GSG1L: variants seen among roughly 807,000 people sequenced by gnomAD.
GSG1L encodes the protein GSG1 like, also known as germ cell-specific gene 1-like protein.
Under a neutral mutation model 42.1 loss-of-function variants are expected in GSG1L, and 24 were observed. That is an observed-to-expected ratio of 0.57 (90% CI 0.41 to 0.80). The LOEUF is 0.80. Ranked by LOEUF, GSG1L falls within the 30% of genes least tolerant of loss-of-function variation. GSG1L has a pLI of 0.00. For synonymous variants in GSG1L, 215 were observed against 203.5 expected (o/e 1.06, Z -0.48); for missense variants, 445 against 472.2 (o/e 0.94, Z 0.53).
chr16:27,847,743 A>G (rs1419023047), intron 3 of GSG1L, among the ~76,000 whole-genome samples: 1 of 152,088 alleles, frequency 6.6e-6, no homozygotes, highest in Non-Finnish European at 1.5e-5. Flanking sequence ...CTCACGAGAG[A>G]GCTGGTTGTT....
intron 2 of GSG1L, among the ~76,000 whole-genome samples, chr16:27,899,926 G>A (rs2084237258): frequency 1.3e-5 from 2 of 152,202 alleles, no homozygotes; most frequent in South Asian, 2.1e-4. Flanking sequence ...ACTGGGTGAT[G>A]TGGATTCCAC....
rs768689001 is a variant in GSG1L, at chr16:27,888,401, C to CTTCTTTCTTTCT, written c.398-3775_398-3764dup. Among the ~76,000 whole-genome samples, 107 of 122,568 alleles carry CTTCTTTCTTTCT rather than the reference C, an allele frequency of 8.7e-4. 15 individuals are homozygous for CTTCTTTCTTTCT. Among genetic ancestry groups the CTTCTTTCTTTCT allele is most frequent in the African/African-American group, 2.4e-3 (66 of 27,450 alleles). 80.4% of individuals were successfully genotyped at this position (122,568 alleles called of 152,430 possible). A position where few individuals can be genotyped will look rare whatever the true frequency, so the allele number is the denominator to read the frequency against. Reference sequence around the variant, plus strand: ...GGTTCTTTCTTTCTTTTCTTTTCTCCTTCTTTCTTTCTTTCTTTCTTTCTT... The same window carrying CTTCTTTCTTTCT: ...GGTTCTTTCTTTCTTTTCTTTTCTCCTTCTTTCTTTCTTTCTTTCTTTCTTTCTTTCTTTCTT... On this transcript the variant is annotated intron_variant, in intron 2 of 6. Coordinates refer to ENST00000447459, the MANE Select transcript of GSG1L (RefSeq NM_001109763.2).
intron 1 of GSG1L, among the ~76,000 whole-genome samples, chr16:28,055,136 G>A (rs2086265485): frequency 6.6e-6 from 1 of 152,028 alleles, no homozygotes; most frequent in African/African-American, 2.4e-5. Flanking sequence ...TTTCACCTTT[G>A]CTGCAGCATT....
intron 1 of GSG1L, among the ~76,000 whole-genome samples, chr16:28,007,951 C>G (rs1310295988): frequency 6.6e-6 from 1 of 152,176 alleles, no homozygotes; most frequent in East Asian, 1.9e-4. Context: ...ATGAGGATTG[C>G]CAGACCAAGG....
At chr16:27,958,889 G>A (rs1369617546) in intron 2 of GSG1L, among the ~76,000 whole-genome samples, 1 of 152,066 alleles carries the variant, frequency 6.6e-6, no homozygotes, top group Non-Finnish European at 1.5e-5. Flanking sequence ...TGGCCAGGCT[G>A]GTCTCAAATT....
intron 1 of GSG1L, among the ~76,000 whole-genome samples, chr16:28,039,480 G>C (rs1935043553): frequency 6.6e-6 from 1 of 152,088 alleles, no homozygotes; most frequent in African/African-American, 2.4e-5. Context: ...GGTACCAAAT[G>C]TTAACAGGGC....
At chr16:27,989,033 A>G (rs1479199868) in intron 1 of GSG1L, among the ~76,000 whole-genome samples, 1 of 148,962 alleles carries the variant, frequency 6.7e-6, no homozygotes, top group African/African-American at 2.5e-5. Context: ...AGCCTAGGTG[A>G]CAGAGCAAGA....
intron 1 of GSG1L, among the ~76,000 whole-genome samples, chr16:27,984,363 A>G (rs2085357495): frequency 1.3e-5 from 2 of 152,130 alleles, no homozygotes; most frequent in Admixed American, 6.5e-5. Flanking sequence ...GGGACATCGC[A>G]GGGTAGCCAG....
intron 2 of GSG1L, among the ~76,000 whole-genome samples, chr16:27,925,180 T>C (rs1488939490): frequency 6.6e-6 from 1 of 152,228 alleles, no homozygotes; most frequent in Non-Finnish European, 1.5e-5. Context: ...TACATCCAAC[T>C]TGGAGGACCA....
chr16:28,052,977 GC>G, intron 1 of GSG1L, among the ~76,000 whole-genome samples: 1 of 152,356 alleles, frequency 6.6e-6, no homozygotes, highest in South Asian at 2.1e-4. Flanking sequence ...TCAAGGTGGG[GC>G]CCGGGCCAAG....
chr16:27,870,719 C>A (rs1183713021), intron 3 of GSG1L, among the ~76,000 whole-genome samples: 1 of 151,558 alleles, frequency 6.6e-6, no homozygotes, highest in Non-Finnish European at 1.5e-5. Context: ...TGGGATGACT[C>A]CCCTGTTTCC....
chr16:27,882,827 C>A (rs185267470), intron 3 of GSG1L, among the ~76,000 whole-genome samples: 1 of 152,268 alleles, frequency 6.6e-6, no homozygotes, highest in Non-Finnish European at 1.5e-5. Flanking sequence ...CAAACTTGGC[C>A]AGACGTGGTG....
chr16:27,979,692 A>AG (rs1567542854), intron 1 of GSG1L, among the ~76,000 whole-genome samples: 11 of 40,330 alleles, frequency 2.7e-4, no homozygotes, highest in African/African-American at 1.1e-3. Flanking sequence ...AGAAAGAAGG[A>AG]AGGAAGGAAG....
intron 1 of GSG1L, among the ~76,000 whole-genome samples, chr16:27,987,945 CAA>C (rs56395297): frequency 1.1e-5 from 1 of 92,838 alleles, no homozygotes; most frequent in Non-Finnish European, 2.0e-5. Flanking sequence ...GACTCCGTCT[CAA>C]AAAAAAAAAA....
At chr16:27,941,562 C>T (rs190284249) in intron 2 of GSG1L, among the ~76,000 whole-genome samples, 89 of 130,546 alleles carry the variant, frequency 6.8e-4, no homozygotes, top group Non-Finnish European at 1.3e-3. Flanking sequence ...ATCCCAGCTA[C>T]TCAGGAGGCT....
At chr16:27,839,596 T>C (rs574390696) in intron 4 of GSG1L, among the ~76,000 whole-genome samples, 1 of 152,190 alleles carries the variant, frequency 6.6e-6, no homozygotes, top group East Asian at 1.9e-4. Context: ...CGTGGGTAAA[T>C]GTAAGGCAAT....
chr16:27,829,876 AC>A (rs1450768286), intron 4 of GSG1L, among the ~76,000 whole-genome samples: 1 of 152,080 alleles, frequency 6.6e-6, no homozygotes, highest in Non-Finnish European at 1.5e-5. Flanking sequence ...CATCCTCATT[AC>A]CCACTTCCAT....
rs1353399646 is a variant in GSG1L at position 27,963,099 on chromosome 16, G to A, written c.397+57C>T. The A allele has an allele frequency of 7.4e-6, 11 of 1,487,034 alleles. No homozygotes were observed. The South Asian group carries it at 1.0e-4, about 14-fold the overall frequency. 92.1% of individuals were successfully genotyped at this position (1,487,034 alleles called of 1,614,324 possible). A position where few individuals can be genotyped will look rare whatever the true frequency, so the allele number is the denominator to read the frequency against. ...AGGGCTTTGGGGAGCCACCAAGGTA[G>A]GAAAGATGTCCCCAGAGAGAGCAGA... On this transcript the variant is annotated intron_variant, in intron 2 of 6. Coordinates refer to ENST00000447459, the MANE Select transcript of GSG1L (RefSeq NM_001109763.2).
intron 3 of GSG1L, among the ~76,000 whole-genome samples, chr16:27,869,263 C>T (rs1216455173): frequency 2.0e-5 from 3 of 151,534 alleles, no homozygotes; most frequent in East Asian, 3.9e-4. Context: ...GCCTTCAAGG[C>T]TCCGGGAATT....
Sources: gnomAD v4.1 joint callset for allele counts (sites outside exome capture counted in the v4.1 genomes callset) on GRCh38, gnomAD v4.1.1 for gene constraint, MANE v1.5 for transcripts, NCBI Gene and HGNC (gene_info 2026-07-23, HGNC 2026-07-21) for gene names.